The following ZDHHC21 variants were observed in gnomAD, a reference collection of about 807,000 sequenced individuals.
The protein encoded by ZDHHC21 is zDHHC palmitoyltransferase 21, also known as palmitoyltransferase ZDHHC21.
In ZDHHC21, 15 loss-of-function variants were observed where a neutral mutation model predicts 34.6. The observed-to-expected ratio is 0.43, with a 90% CI of 0.29 to 0.67. The LOEUF (loss-of-function observed/expected upper bound fraction) is 0.67. Ranked by LOEUF, ZDHHC21 falls within the 30% of genes least tolerant of loss-of-function variation. The pLI is 0.14. For missense variants in ZDHHC21, 344 were observed against 327.7 expected (o/e 1.05, Z -0.38); for synonymous variants, 142 against 101.8 (o/e 1.40, Z -2.38).
chr9:14,617,462 A>G lies in ZDHHC21; in HGVS notation c.*1504T>C, dbSNP rs545174029. 5.3e-5 allele frequency: 8 copies of G among 152,166 alleles called. No individual in the cohort carries two copies. Among genetic ancestry groups the G allele is most frequent in the African/African-American group, 1.4e-4 (6 of 41,562 alleles). 9.4% of individuals were successfully genotyped at this position (152,166 alleles called of 1,614,324 possible). ...CCACAGTATAGCCAACTGGCTGACA[A>G]TGGTAACCTTCTGTTTAATTATTTC... On this transcript the variant is annotated 3_prime_UTR_variant, in exon 10 of 10. Transcript: ENST00000380916.
intron 8 of ZDHHC21, among the ~76,000 whole-genome samples, chr9:14,638,907 G>A (rs868545532): frequency 1.3e-5 from 2 of 151,994 alleles, no homozygotes; most frequent in South Asian, 4.1e-4. Flanking sequence ...CTGTTGGTGG[G>A]AATGTAAATT....
intron 5 of ZDHHC21, among the ~76,000 whole-genome samples, chr9:14,669,232 G>A (rs1307709387): frequency 1.4e-5 from 2 of 144,052 alleles, no homozygotes; most frequent in Admixed American, 1.4e-4. Flanking sequence ...CATTTATGCA[G>A]CCAAAAGACA....
intron 4 of ZDHHC21, among the ~76,000 whole-genome samples, chr9:14,673,963 C>T (rs1345162072): frequency 6.6e-6 from 1 of 151,988 alleles, no homozygotes; most frequent in East Asian, 1.9e-4. Context: ...AAATGGTCTT[C>T]ATGCACTTTG....
chr9:14,676,513 AAAAC>A (rs1327980991), intron 3 of ZDHHC21, among the ~76,000 whole-genome samples: 1 of 152,050 alleles, frequency 6.6e-6, no homozygotes, highest in Non-Finnish European at 1.5e-5. Flanking sequence ...AAAAAAACAA[AAAAC>A]AAAACAAAAA....
At position 14,612,253 on chromosome 9, in the gene ZDHHC21, G is replaced by T. The variant is rs1823427292; in HGVS notation, c.*6713C>A. The T allele has an allele frequency of 2.6e-5, 4 of 151,788 alleles. No individual in the cohort carries two copies. In the South Asian group the frequency reaches 8.3e-4, roughly 32 times the overall value. The allele number at this position is 151,788 out of a possible 1,614,324, so 9.4% of individuals were successfully genotyped here. The stretch of plus-strand genomic sequence containing the variant: ...AGAATTGACTGCAAAACCATATATT[G>T]TATCTACATTCAAGGAGAGGTTGAT... On this transcript the variant is annotated 3_prime_UTR_variant, in exon 10 of 10. Coordinates refer to ENST00000380916, the MANE Select transcript of ZDHHC21 (RefSeq NM_178566.6).
rs141030525 is a variant in ZDHHC21 at position 14,624,319 on chromosome 9, G to A, written c.622-4637C>T. 2.5e-3 allele frequency among the ~76,000 whole-genome samples: 378 copies of A among 152,154 alleles called. 1 individual carries two copies. Among genetic ancestry groups the A allele is most frequent in the Non-Finnish European group, 3.6e-3 (243 of 67,976 alleles). ...GGGGTCCAGAAATCAATCCCCCATG[G>A]AGAGTGAGGGACAACTGTATATTCA... On this transcript the variant is annotated intron_variant, in intron 8 of 9. Coordinates refer to ENST00000380916, the MANE Select transcript of ZDHHC21 (RefSeq NM_178566.6).
chr9:14,643,088 T>G (rs1340842905), intron 7 of ZDHHC21, among the ~76,000 whole-genome samples: 1 of 151,458 alleles, frequency 6.6e-6, no homozygotes, highest in East Asian at 1.9e-4. Context: ...AAAATAAAAA[T>G]AAAAATAAAA....
intron 7 of ZDHHC21, among the ~76,000 whole-genome samples, chr9:14,646,050 T>C (rs1830231381): frequency 6.6e-6 from 1 of 152,162 alleles, no homozygotes; most frequent in Non-Finnish European, 1.5e-5. Flanking sequence ...CTTCTCGCTA[T>C]ACATCTAAGT....
At chr9:14,610,540 T>G (rs1586828610), downstream of ZDHHC21, among the ~76,000 whole-genome samples, 1 of 152,036 alleles carries the variant, frequency 6.6e-6, no homozygotes, top group Non-Finnish European at 1.5e-5. Flanking sequence ...TAAACCTCTG[T>G]CTTTCAATCT....
At chr9:14,672,997 A>G in intron 4 of ZDHHC21, 69 bp from the exon 5 acceptor site, 1 of 1,012,794 alleles carries the variant, frequency 9.9e-7, no homozygotes, top group Non-Finnish European at 1.4e-6. Flanking sequence ...AATCATATTT[A>G]AAGTTTAAAA....
At chr9:14,669,851 T>G in intron 5 of ZDHHC21, among the ~76,000 whole-genome samples, 1 of 92,042 alleles carries the variant, frequency 1.1e-5, no homozygotes, top group Non-Finnish European at 2.1e-5. Context: ...CTAGGGACTG[T>G]GGTGGGGTGG....
the ZDHHC21 span, among the ~76,000 whole-genome samples, chr9:14,601,971 G>A: frequency 6.6e-6 from 1 of 151,968 alleles, no homozygotes. Flanking sequence ...ACACGGAGGG[G>A]AACATCACAC....
chr9:14,630,226 A>G (rs969878747), intron 8 of ZDHHC21, among the ~76,000 whole-genome samples: 3 of 152,190 alleles, frequency 2.0e-5, no homozygotes, highest in Non-Finnish European at 2.9e-5. Flanking sequence ...AACTAAGTCC[A>G]TATACTCTTC....
At chr9:14,692,798 G>T (rs549568870) in intron 1 of ZDHHC21, among the ~76,000 whole-genome samples, 1 of 142,318 alleles carries the variant, frequency 7.0e-6, no homozygotes, top group African/African-American at 2.5e-5. Flanking sequence ...AAAAGCTCTG[G>T]AATAGCACAG....
intron 7 of ZDHHC21, among the ~76,000 whole-genome samples, chr9:14,650,754 T>C (rs1041596998): frequency 2.0e-5 from 3 of 151,994 alleles, no homozygotes; most frequent in South Asian, 2.1e-4. Context: ...TATCAGCCAA[T>C]TGGAATAATA....
the ZDHHC21 span, among the ~76,000 whole-genome samples, chr9:14,597,726 C>T: frequency 1.3e-5 from 2 of 152,092 alleles, no homozygotes; most frequent in African/African-American, 2.4e-5. Context: ...GAGAACTGAT[C>T]TGCCCTACCT....
chr9:14,631,709 G>A (rs1474677146), intron 8 of ZDHHC21, among the ~76,000 whole-genome samples: 1 of 151,994 alleles, frequency 6.6e-6, no homozygotes, highest in Non-Finnish European at 1.5e-5. Context: ...ATTATTATTT[G>A]GCCTCATTTC....
chr9:14,607,910 C>A (rs1404287055), downstream of ZDHHC21, among the ~76,000 whole-genome samples: 3 of 152,096 alleles, frequency 2.0e-5, no homozygotes, highest in African/African-American at 4.8e-5. Context: ...CATGAAAAAT[C>A]AATGACAAAA....
chr9:14,599,247 C>G, the ZDHHC21 span, among the ~76,000 whole-genome samples: 2 of 152,104 alleles, frequency 1.3e-5, no homozygotes, highest in Non-Finnish European at 2.9e-5. Context: ...CTGAGGTACC[C>G]GGCTCATCTC....
Sources: gnomAD v4.1 joint callset for allele counts (sites outside exome capture counted in the v4.1 genomes callset) on GRCh38, gnomAD v4.1.1 for gene constraint, MANE v1.5 for transcripts, NCBI Gene and HGNC (gene_info 2026-07-23, HGNC 2026-07-21) for gene names.